CSMD2: variants seen among roughly 807,000 people sequenced by gnomAD.
The protein encoded by CSMD2 is CUB and Sushi multiple domains 2, also known as CUB and sushi domain-containing protein 2.
In CSMD2, 130 loss-of-function variants were observed where a neutral mutation model predicts 398.5. The ratio of observed to expected loss-of-function variants is 0.33; its 90% CI spans 0.28 to 0.38. The LOEUF is 0.38. CSMD2 is among the 10% of genes least tolerant of loss of function. The pLI is 1.00. For synonymous variants in CSMD2, 1,828 were observed against 1,908.5 expected, an observed-to-expected ratio of 0.96 and a Z score of 1.10; for missense variants, 3,829 against 4,764.9, an observed-to-expected ratio of 0.80 and a Z score of 5.78.
intron 6 of CSMD2, among the ~76,000 whole-genome samples, chr1:33,827,334 G>C (rs7527126): frequency 1.3e-5 from 2 of 152,062 alleles, no homozygotes; most frequent in African/African-American, 2.4e-5. Flanking sequence ...ATTTGGCCTC[G>C]ATTGCTCTTC....
intron 4 of CSMD2, among the ~76,000 whole-genome samples, chr1:33,927,133 C>T (rs904047941): frequency 1.3e-5 from 2 of 152,174 alleles, no homozygotes; most frequent in African/African-American, 4.8e-5. Flanking sequence ...GGCAGGAGTG[C>T]CCCAAAGTTG....
At chr1:33,891,861 G>A (rs1457822335) in intron 5 of CSMD2, among the ~76,000 whole-genome samples, 1 of 130,928 alleles carries the variant, frequency 7.6e-6, no homozygotes, top group African/African-American at 2.9e-5. Context: ...AGAACACATG[G>A]ACACAGGAAG....
At chr1:33,783,572 G>A (rs1653109321) in intron 12 of CSMD2, among the ~76,000 whole-genome samples, 1 of 151,904 alleles carries the variant, frequency 6.6e-6, no homozygotes, top group African/African-American at 2.4e-5. Flanking sequence ...AAACCAAATT[G>A]GCCAAATCCT....
chr1:34,129,240 T>C (rs372247073), intron 1 of CSMD2, among the ~76,000 whole-genome samples: 26 of 152,204 alleles, frequency 1.7e-4, no homozygotes, highest in East Asian at 7.7e-4. Context: ...GTACCTGTCT[T>C]GTGAAACTGT....
chr1:33,645,046 G>A (rs2148943354), intron 29 of CSMD2, among the ~76,000 whole-genome samples: 1 of 152,250 alleles, frequency 6.6e-6, no homozygotes, highest in Middle Eastern at 3.4e-3. Context: ...GGCTGGTGCT[G>A]GCAGTGGGAA....
chr1:33,519,780 G>C lies in CSMD2; in HGVS notation c.10736+32C>G. Reference sequence around the variant, plus strand: ...TGGAGGGAGAGAGGGAGGCCTGCCTGATGCCCGCCCTGCCTCCTTCCTGCA... The same window carrying C: ...TGGAGGGAGAGAGGGAGGCCTGCCTCATGCCCGCCCTGCCTCCTTCCTGCA... On this transcript the variant is annotated intron_variant, in intron 69 of 70. Transcript: ENST00000373381. This position sits in a 1 kb window ranked among gnomAD's most constrained non-coding sequence, Gnocchi z 5.6. 1 of 1,613,168 alleles carries C rather than the reference G, an allele frequency of 6.2e-7. No individual in the cohort carries two copies. The highest frequency in any genetic ancestry group is 8.5e-7 in the Non-Finnish European group (1 of 1,179,250).
chr1:33,818,184 A>T (rs1657691018), intron 9 of CSMD2, among the ~76,000 whole-genome samples: 1 of 152,244 alleles, frequency 6.6e-6, no homozygotes. Context: ...ACAGATGGGC[A>T]GGGTCCCTTG....
intron 32 of CSMD2, among the ~76,000 whole-genome samples, chr1:33,628,542 A>T (rs1359873230): frequency 6.6e-6 from 1 of 151,856 alleles, no homozygotes; most frequent in Admixed American, 6.6e-5. Context: ...GGTGGAGCAC[A>T]CCTGGAGTCT....
At chr1:33,627,797 C>A (rs2148892736) in intron 32 of CSMD2, among the ~76,000 whole-genome samples, 1 of 152,344 alleles carries the variant, frequency 6.6e-6, no homozygotes. Flanking sequence ...ACTGCCATCT[C>A]CAACTCCTCC....
intron 25 of CSMD2, among the ~76,000 whole-genome samples, chr1:33,684,453 T>G (rs1645001539): frequency 6.6e-6 from 1 of 152,252 alleles, no homozygotes; most frequent in South Asian, 2.1e-4. Context: ...CTGTCTCCTC[T>G]CCCTTCTTCC....
At chr1:33,789,267 A>G (rs115294943) in intron 11 of CSMD2, among the ~76,000 whole-genome samples, 81 of 149,142 alleles carry the variant, frequency 5.4e-4, no homozygotes, top group African/African-American at 1.9e-3. Context: ...TTCTTATTGA[A>G]GAAGAGGGTT....
Position 33,518,439 on chromosome 1 carries a change from C to T in CSMD2, c.*53+1026G>A, listed in dbSNP as rs1026365225. ...CGTGTACACGTGTGGGTGTGTCTGC[C>T]CCCTGTCTATATTTCCGGGAGCTCC... On this transcript the variant is annotated intron_variant, in intron 70 of 70. Transcript: ENST00000373381. This position sits in a 1 kb window ranked among gnomAD's most constrained non-coding sequence, Gnocchi z 4.3. Among the ~76,000 whole-genome samples the T allele has an allele frequency of 6.6e-6, 1 of 151,912 alleles. No homozygotes were observed. Among genetic ancestry groups the T allele is most frequent in the African/African-American group, 2.4e-5 (1 of 41,342 alleles).
chr1:33,841,154 T>C (rs1013280476), intron 6 of CSMD2, among the ~76,000 whole-genome samples: 2 of 152,160 alleles, frequency 1.3e-5, no homozygotes, highest in Non-Finnish European at 2.9e-5. Flanking sequence ...AGGGTTGACT[T>C]GGCAAGAGAG....
In CSMD2 at chr1:34,159,355, T is replaced by A. The variant is rs141157469; in HGVS notation, c.187+5556A>T. Among the ~76,000 whole-genome samples, 775 of 126,604 alleles carry A rather than the reference T, an allele frequency of 6.1e-3. 12 individuals carry two copies. The highest frequency in any genetic ancestry group is 0.023 in the African/African-American group (734 of 32,534). The allele number at this position is 126,604 out of a possible 152,430, so 83.1% of individuals were successfully genotyped here. A position where few individuals can be genotyped will look rare whatever the true frequency, so the allele number is the denominator to read the frequency against. ...CCCCCCCCCACCCAGGAGCTTGTGGTGGAAAGGAATGGACAATAGCTGCTT... is the reference window on the plus strand; with the variant it reads ...CCCCCCCCCACCCAGGAGCTTGTGGAGGAAAGGAATGGACAATAGCTGCTT... On this transcript the variant is annotated intron_variant, in intron 1 of 70. Transcript: ENST00000373381.
Position 33,935,935 on chromosome 1 carries a change from A to T in CSMD2, c.537T>A (p.Cys179Ter). The T allele has an allele frequency of 6.2e-7, 1 of 1,611,674 alleles. No homozygotes were observed. The highest frequency in any genetic ancestry group is 8.5e-7 in the Non-Finnish European group (1 of 1,178,734). The change falls in exon 4 of 71, where the codon TGT becomes TGA. Residue 179 changes from cysteine to a stop codon, truncating the protein, a stop_gained. Coordinates refer to ENST00000373381, the MANE Select transcript of CSMD2 (RefSeq NM_001281956.2). LOFTEE classifies it high-confidence loss of function. ...ATYEVLPSHT[C>*]GNPGRLPNGI... Reference sequence around the variant, plus strand: ...CATTGGGCAGCCTCCCTGGGTTCCCACATGTGTGGCTGGGGAGAACTGTGA... The same window carrying T: ...CATTGGGCAGCCTCCCTGGGTTCCCTCATGTGTGGCTGGGGAGAACTGTGA...
intron 44 of CSMD2, among the ~76,000 whole-genome samples, chr1:33,593,986 G>A (rs144934167): frequency 9.2e-5 from 14 of 152,090 alleles, no homozygotes; most frequent in South Asian, 2.1e-4. Flanking sequence ...TGATTCCACC[G>A]TCACAAAAGA....
intron 65 of CSMD2, 72 bp from the exon 66 acceptor site, chr1:33,525,115 G>C: frequency 6.7e-7 from 1 of 1,489,936 alleles, no homozygotes; most frequent in Middle Eastern, 1.7e-4. Context: ...CCTGATGACT[G>C]ATCCCAGCCC....
intron 5 of CSMD2, among the ~76,000 whole-genome samples, chr1:33,853,606 T>C (rs551477394): frequency 6.8e-6 from 1 of 146,818 alleles, no homozygotes; most frequent in African/African-American, 2.5e-5. Flanking sequence ...TCTCGGAAAG[T>C]GCAAGACTCA....
At chr1:33,666,806 C>T (rs1644331697) in intron 25 of CSMD2, among the ~76,000 whole-genome samples, 1 of 152,070 alleles carries the variant, frequency 6.6e-6, no homozygotes, top group African/African-American at 2.4e-5. Context: ...CTGTGGTGAT[C>T]AATGCACTGT....
Sources: gnomAD v4.1 joint callset for allele counts (sites outside exome capture counted in the v4.1 genomes callset) on GRCh38, gnomAD v4.1.1 for gene constraint, Gnocchi (gnomAD v3.1) non-coding constraint, MANE v1.5 for transcripts, NCBI Gene and HGNC (gene_info 2026-07-23, HGNC 2026-07-21) for gene names.